SMO: variants seen among roughly 807,000 people sequenced by gnomAD.
SMO encodes smoothened, frizzled class receptor.
A neutral mutation model predicts 81.6 loss-of-function variants in SMO; 40 were observed. The ratio of observed to expected loss-of-function variants is 0.49; its 90% CI spans 0.38 to 0.64. The LOEUF is 0.64. SMO is among the 30% of genes least tolerant of loss of function. The probability of loss-of-function intolerance (pLI) is 0.00; values close to 1 mark genes in which losing one functional copy is unlikely to be tolerated. For synonymous variants in SMO, 434 were observed against 432.1 expected (o/e 1.00, Z -0.05); for missense variants, 916 against 1,061.1 (o/e 0.86, Z 1.90).
intron 1 of SMO, among the ~76,000 whole-genome samples, chr7:129,194,208 T>TA (rs1256645143): frequency 4.0e-5 from 6 of 151,390 alleles, no homozygotes; most frequent in Admixed American, 6.6e-5. Flanking sequence ...AAGTCTTTTT[T>TA]AAAAAAAAAT....
chr7:129,210,262 G>T lies in SMO; in HGVS notation c.1467-101G>T. On this transcript the variant is annotated intron_variant, in intron 8 of 11. Transcript: ENST00000249373. This position sits in a 1 kb window ranked among gnomAD's most constrained non-coding sequence, Gnocchi z 4.7. ...GGAAGCTGCAGTGGGTTGTGATCACGCCACCGCACTCTAGCCTGGGTGACA... is the reference window on the plus strand; with the variant it reads ...GGAAGCTGCAGTGGGTTGTGATCACTCCACCGCACTCTAGCCTGGGTGACA... 3 of 966,814 alleles carry T rather than the reference G, an allele frequency of 3.1e-6. No individual in the cohort carries two copies. In the South Asian group the frequency reaches 4.4e-5, roughly 14 times the overall value. 59.9% of individuals were successfully genotyped at this position (966,814 alleles called of 1,614,324 possible).
chr7:129,213,434 C>G lies in SMO; in HGVS notation c.*983C>G. ...ATTCCCACCTTCCATAGCCTCCAAA[C>G]ATGTTCCCAAGGCCCCACTTTCAAG... On this transcript the variant is annotated 3_prime_UTR_variant, in exon 12 of 12. Coordinates refer to ENST00000249373, the MANE Select transcript of SMO (RefSeq NM_005631.5). The G allele has an allele frequency of 4.3e-6, 1 of 233,180 alleles. No homozygotes were observed. Among genetic ancestry groups the G allele is most frequent in the Non-Finnish European group, 8.5e-6 (1 of 117,778 alleles). The allele number at this position is 233,180 out of a possible 1,614,324, so 14.4% of individuals were successfully genotyped here.
At position 129,212,346 on chromosome 7, in the gene SMO, G is replaced by A. The variant is rs45516102; in HGVS notation, c.2259G>A (p.Pro753=). The A allele has an allele frequency of 6.1e-4, 977 of 1,614,098 alleles. 5 individuals carry two copies. In the African/African-American group the frequency reaches 0.011, roughly 18 times the overall value. The change falls in exon 12 of 12, where the codon CCG becomes CCA. Residue 753 remains proline, a synonymous_variant. Coordinates refer to ENST00000249373, the MANE Select transcript of SMO (RefSeq NM_005631.5). The surrounding 1 kb of genome is among the most constrained non-coding windows in gnomAD (Gnocchi z 5.0). ...AGGATCCATTTCTGCCCAGTGCACCGGCCCCCGTGGCATGGGCTCATGGCC... is the reference window on the plus strand; with the variant it reads ...AGGATCCATTTCTGCCCAGTGCACCAGCCCCCGTGGCATGGGCTCATGGCC... The part of the protein sequence containing the change: ...PPQDPFLPSA[P]APVAWAHGRR...
chr7:129,199,884 G>T (rs1290765802), intron 1 of SMO, among the ~76,000 whole-genome samples: 1 of 152,108 alleles, frequency 6.6e-6, no homozygotes, highest in Non-Finnish European at 1.5e-5. Context: ...TTGAAAATGT[G>T]ATCTGTTATT....
intron 1 of SMO, among the ~76,000 whole-genome samples, chr7:129,203,074 A>G (rs946773481): frequency 6.6e-6 from 1 of 152,214 alleles, no homozygotes; most frequent in Admixed American, 6.5e-5. Flanking sequence ...CCAGCAGCCC[A>G]GAGGTTCCTC....
rs1442341729 is a variant in SMO, at chr7:129,206,586, AG to A, written c.1264+1del. ...TCGTGGGAGGCTACTTCCTCATCCG[AG>A]GTGAGTGAAGACCAGGCCAGGACCA... is the stretch of plus-strand genomic sequence containing the variant. The part of the protein sequence containing the change: ...LIVGGYFLIR[G>X]VMTLFSIKSN... On this transcript the variant is annotated frameshift_variant and splice_region_variant, in exon 6 of 12. Transcript: ENST00000249373. LOFTEE classifies it high-confidence loss of function. This position sits in a 1 kb window ranked among gnomAD's most constrained non-coding sequence, Gnocchi z 4.4. The A allele has an allele frequency of 1.9e-6, 3 of 1,614,016 alleles. No individual in the cohort carries two copies. Among genetic ancestry groups the A allele is most frequent in the Non-Finnish European group, 2.5e-6 (3 of 1,180,032 alleles).
intron 1 of SMO, among the ~76,000 whole-genome samples, chr7:129,191,877 G>A (rs1224768699): frequency 2.6e-5 from 4 of 152,172 alleles, no homozygotes; most frequent in Admixed American, 1.3e-4. Flanking sequence ...TTTGCTGTAT[G>A]TCACATGCTG....
At chr7:129,209,238 T>C (rs1247404394) in intron 7 of SMO, 51 bp from the exon 8 acceptor site, 2 of 1,107,344 alleles carry the variant, frequency 1.8e-6, no homozygotes, top group African/African-American at 1.5e-5. Context: ...TCCCCACTGC[T>C]GCTGCGGGAC....
rs747256384 is a variant in SMO at position 129,205,783 on chromosome 7, G to T, written c.920+1G>T. 3 of 1,602,792 alleles carry T rather than the reference G, an allele frequency of 1.9e-6. No individual in the cohort carries two copies. The highest frequency in any genetic ancestry group is 2.5e-6 in the Non-Finnish European group (3 of 1,178,154). Reference sequence around the variant, plus strand: ...GCACCATGAGGCTTGGGGAGCCCACGTAGGTGTCTTGGGGACCCAGAGGTG... The same window carrying T: ...GCACCATGAGGCTTGGGGAGCCCACTTAGGTGTCTTGGGGACCCAGAGGTG... On this transcript the variant is annotated splice_donor_variant, in intron 4 of 11. Transcript: ENST00000249373. LOFTEE classifies it high-confidence loss of function.
intron 1 of SMO, among the ~76,000 whole-genome samples, chr7:129,197,419 A>T (rs1793601200): frequency 6.6e-6 from 1 of 152,106 alleles, no homozygotes; most frequent in Non-Finnish European, 1.5e-5. Context: ...TCATAGATGG[A>T]TGTTGAATTT....
In SMO at chr7:129,206,017, G is replaced by C; in HGVS notation, c.921-133G>C. 1.2e-6 allele frequency: 1 copy of C among 831,856 alleles called. No individual in the cohort carries two copies. Among genetic ancestry groups the C allele is most frequent in the Admixed American group, 2.5e-5 (1 of 40,608 alleles). The allele number at this position is 831,856 out of a possible 1,614,324, so 51.5% of individuals were successfully genotyped here. On this transcript the variant is annotated intron_variant, in intron 4 of 11. Transcript: ENST00000249373. This position sits in a 1 kb window ranked among gnomAD's most constrained non-coding sequence, Gnocchi z 4.4. The stretch of plus-strand genomic sequence containing the variant: ...CTAGAGCCTCCTCAGATCTGACCTG[G>C]GTCCTGTCTCCAAGCCCTGACTTCT...
In SMO at chr7:129,211,189, GGGCAC is replaced by G; in HGVS notation, c.1801+77_1801+81del. On this transcript the variant is annotated intron_variant, in intron 10 of 11. Transcript: ENST00000249373. This position sits in a 1 kb window ranked among gnomAD's most constrained non-coding sequence, Gnocchi z 4.6. The stretch of plus-strand genomic sequence containing the variant: ...GTGCTAGTCTCTCCCAGCCTGCTGG[GGGCAC>G]ACAGATTATTTGGAAGACCGACTGT... 1 of 1,471,996 alleles carries G rather than the reference GGGCAC, an allele frequency of 6.8e-7. No homozygotes were observed. Among genetic ancestry groups the G allele is most frequent in the Non-Finnish European group, 9.3e-7 (1 of 1,077,150 alleles). The allele number at this position is 1,471,996 out of a possible 1,614,324, so 91.2% of individuals were successfully genotyped here.
intron 1 of SMO, among the ~76,000 whole-genome samples, chr7:129,198,132 T>G (rs1793614672): frequency 6.6e-6 from 1 of 152,186 alleles, no homozygotes; most frequent in Non-Finnish European, 1.5e-5. Flanking sequence ...TTTGTTTTTT[T>G]GTAGAGATGG....
At chr7:129,194,083 G>A (rs1279176706) in intron 1 of SMO, among the ~76,000 whole-genome samples, 1 of 151,450 alleles carries the variant, frequency 6.6e-6, no homozygotes, top group Non-Finnish European at 1.5e-5. Flanking sequence ...CTGGGCAACA[G>A]AGCAAGACCC....
chr7:129,190,715 A>G (rs1431954240), intron 1 of SMO, among the ~76,000 whole-genome samples: 2 of 152,266 alleles, frequency 1.3e-5, no homozygotes, highest in East Asian at 3.8e-4. Flanking sequence ...GGTACCCATG[A>G]GGAAGAGCTG....
At position 129,205,781 on chromosome 7, in the gene SMO, A is replaced by C. The variant is rs146911173; in HGVS notation, c.919A>C (p.Thr307Pro). 2.5e-6 allele frequency: 4 copies of C among 1,603,088 alleles called. No individual in the cohort carries two copies. The highest frequency in any genetic ancestry group is 3.4e-6 in the Non-Finnish European group (4 of 1,178,172). ...ADGTMRLGEP[T>P]SNETLSCVII... is the part of the protein sequence containing the mutation. ...TGGCACCATGAGGCTTGGGGAGCCC[A>C]CGTAGGTGTCTTGGGGACCCAGAGG... Residue 307 changes from threonine (T) to proline (P), a missense_variant and splice_region_variant, in exon 4 of 12, where the codon ACC becomes CCC. Physicochemically the swap from Thr to Pro is conservative, Grantham distance 38. Around this residue, in one of 4 missense-constraint regions of SMO, gnomAD observed 436 missense variants for 570.9 expected, o/e 0.76. Transcript: ENST00000249373.
chr7:129,189,011 C>G lies in SMO; in HGVS notation c.-141C>G. On this transcript the variant is annotated 5_prime_UTR_variant, in exon 1 of 12. Coordinates refer to ENST00000249373, the MANE Select transcript of SMO (RefSeq NM_005631.5). This position sits in a 1 kb window ranked among gnomAD's most constrained non-coding sequence, Gnocchi z 4.7. ...GAGGGGCCGGGGCGCGCGGAGCGTC[C>G]GGGGGGGCCCGGGCCCGGATTCTCT... 1 of 678,824 alleles carries G rather than the reference C, an allele frequency of 1.5e-6. No homozygotes were observed. Among genetic ancestry groups the G allele is most frequent in the Non-Finnish European group, 2.0e-6 (1 of 491,498 alleles). The allele number at this position is 678,824 out of a possible 1,614,324, so 42.1% of individuals were successfully genotyped here.
intron 1 of SMO, among the ~76,000 whole-genome samples, chr7:129,201,278 C>A (rs184376140): frequency 2.7e-4 from 41 of 152,238 alleles, no homozygotes; most frequent in Admixed American, 1.0e-3. Context: ...GACTCCTGAC[C>A]TTGTGATCCA....
Position 129,211,640 on chromosome 7 carries a change from C to T in SMO, c.1806C>T (p.Gly602=), listed in dbSNP as rs1425453982. The change falls in exon 11 of 12, where the codon GGC becomes GGT. Residue 602 remains glycine (G), a synonymous_variant. Transcript: ENST00000249373. The surrounding 1 kb of genome is among the most constrained non-coding windows in gnomAD (Gnocchi z 4.6). ...HTVSHDGPVA[G]LAFDLNEPSA... is the part of the protein sequence containing the mutation. ...TCCTTCCTTCCATTCCCACAGCGGG[C>T]TTGGCCTTTGACCTCAATGAGCCCT... 1 of 1,612,808 alleles carries T rather than the reference C, an allele frequency of 6.2e-7. No homozygotes were observed. Among genetic ancestry groups the T allele is most frequent in the African/African-American group, 1.3e-5 (1 of 74,992 alleles).
Sources: allele counts gnomAD v4.1 joint callset (sites outside exome capture counted in the v4.1 genomes callset), GRCh38; gene constraint gnomAD v4.1.1; regional missense constraint gnomAD v4.1.1; non-coding constraint Gnocchi (gnomAD v3.1); transcripts MANE v1.5; gene names NCBI Gene and HGNC (gene_info 2026-07-23, HGNC 2026-07-21).